The following PPP2R2B variants were observed in gnomAD, a reference collection of about 807,000 sequenced individuals.
PPP2R2B encodes the protein protein phosphatase 2 regulatory subunit Bbeta, also known as serine/threonine-protein phosphatase 2A 55 kDa regulatory subunit B beta isoform.
A neutral mutation model predicts 46.0 loss-of-function variants in PPP2R2B; 5 were observed. That is an observed-to-expected ratio of 0.11 (90% CI 0.06 to 0.23). PPP2R2B has a LOEUF of 0.23. PPP2R2B is among the 10% of genes least tolerant of loss of function. The probability of loss-of-function intolerance (pLI) is 1.00; values close to 1 mark genes in which losing one functional copy is unlikely to be tolerated. For synonymous variants in PPP2R2B, 215 were observed against 206.7 expected (o/e 1.04, Z -0.34); for missense variants, 367 against 575.0 (o/e 0.64, Z 3.70).
At chr5:146,766,739 G>A (rs144812057) in intron 2 of PPP2R2B, among the ~76,000 whole-genome samples, 55 of 152,172 alleles carry the variant, frequency 3.6e-4, no homozygotes, top group African/African-American at 1.3e-3. Flanking sequence ...CAACACCGTG[G>A]GCCCTACGGC....
chr5:146,947,865 C>T (rs904960365), intron 1 of PPP2R2B, among the ~76,000 whole-genome samples: 1 of 151,674 alleles, frequency 6.6e-6, no homozygotes, highest in African/African-American at 2.4e-5. Flanking sequence ...TAGGAATGCC[C>T]TTGCGTTCTC....
At chr5:146,651,533 G>A (rs570336121) in intron 5 of PPP2R2B, among the ~76,000 whole-genome samples, 21 of 152,138 alleles carry the variant, frequency 1.4e-4, no homozygotes, top group Non-Finnish European at 2.8e-4. Context: ...TCTGGCAAAT[G>A]TGAACAAAGA....
chr5:146,859,617 A>T (rs1221658289), intron 2 of PPP2R2B, among the ~76,000 whole-genome samples: 3 of 152,188 alleles, frequency 2.0e-5, no homozygotes, highest in Non-Finnish European at 4.4e-5. Flanking sequence ...TAAAAGTTTT[A>T]AAAAAAGAGG....
intron 2 of PPP2R2B, among the ~76,000 whole-genome samples, chr5:147,064,764 G>A (rs909278858): frequency 4.1e-4 from 63 of 152,094 alleles, no homozygotes; most frequent in African/African-American, 1.2e-3. Flanking sequence ...AGCTCTTTAG[G>A]CATCCACTGA....
chr5:146,924,871 A>C (rs747519467), intron 1 of PPP2R2B, among the ~76,000 whole-genome samples: 1 of 151,980 alleles, frequency 6.6e-6, no homozygotes, highest in Non-Finnish European at 1.5e-5. Flanking sequence ...ACATCAACTC[A>C]TCCTTTTTTA....
intron 1 of PPP2R2B, among the ~76,000 whole-genome samples, chr5:146,923,389 C>T (rs1763675228): frequency 6.6e-6 from 1 of 152,188 alleles, no homozygotes; most frequent in South Asian, 2.1e-4. Context: ...TTCCAGAGCG[C>T]TCTCAAGTGT....
chr5:146,877,749 G>A (rs573913247), intron 2 of PPP2R2B, among the ~76,000 whole-genome samples: 1 of 152,196 alleles, frequency 6.6e-6, no homozygotes, highest in African/African-American at 2.4e-5. Context: ...GCCCCACCCT[G>A]AAAAAGCCTA....
rs186161530 is a variant in PPP2R2B at position 146,776,878 on chromosome 5, C to A, written c.71-75736G>T. Among the ~76,000 whole-genome samples, 101 of 151,962 alleles carry A rather than the reference C, an allele frequency of 6.6e-4. No homozygotes were observed. The East Asian group carries it at 0.011, about 17-fold the overall frequency. ...TTCTTATAAAAGATATACAAATGGCCAATATGTACATGAAAAGATGCTCAA... is the reference window on the plus strand; with the variant it reads ...TTCTTATAAAAGATATACAAATGGCAAATATGTACATGAAAAGATGCTCAA... On this transcript the variant is annotated intron_variant, in intron 2 of 9. Transcript: ENST00000394411.
chr5:147,014,457 T>C, intron 1 of PPP2R2B, among the ~76,000 whole-genome samples: 1 of 152,030 alleles, frequency 6.6e-6, no homozygotes, highest in South Asian at 2.1e-4. Flanking sequence ...TGTGGCATTT[T>C]TCACAATAGC....
chr5:146,920,547 C>T lies in PPP2R2B; in HGVS notation c.79+135118G>A, dbSNP rs553058443. Among the ~76,000 whole-genome samples, 32 of 152,226 alleles carry T rather than the reference C, an allele frequency of 2.1e-4. No individual in the cohort carries two copies. In the East Asian group the frequency reaches 4.1e-3, roughly 19 times the overall value. Reference sequence around the variant, plus strand: ...GATTGCTTTGTTCAGAAGTGCTTTCCGACTGAGTTAACCTACTAAAGATGC... The same window carrying T: ...GATTGCTTTGTTCAGAAGTGCTTTCTGACTGAGTTAACCTACTAAAGATGC... On this transcript the variant is annotated intron_variant, in intron 1 of 8. Transcript: ENST00000336640.
rs1221095489 is a variant in PPP2R2B, at chr5:146,580,920, G to C, written c.*9027C>G. ...AGAGCTTCTTTGAGTCATGATCCAT[G>C]CCTGAAATGGTATTTCATTTTGTAC... On this transcript the variant is annotated 3_prime_UTR_variant, in exon 10 of 10. Transcript: ENST00000394411. 6.6e-6 allele frequency among the ~76,000 whole-genome samples: 1 copy of C among 152,046 alleles called. No homozygotes were observed. The highest frequency in any genetic ancestry group is 1.5e-5 in the Non-Finnish European group (1 of 68,004).
At chr5:146,964,126 T>A (rs1752302227) in intron 1 of PPP2R2B, among the ~76,000 whole-genome samples, 1 of 152,132 alleles carries the variant, frequency 6.6e-6, no homozygotes, top group South Asian at 2.1e-4. Flanking sequence ...CTAAGTATGC[T>A]CCCCAAAACA....
At chr5:146,748,425 TACAG>T (rs1360986132) in intron 2 of PPP2R2B, among the ~76,000 whole-genome samples, 1 of 152,190 alleles carries the variant, frequency 6.6e-6, no homozygotes, top group Non-Finnish European at 1.5e-5. Flanking sequence ...ACAGTGGAGA[TACAG>T]ACAATTTCCA....
Position 147,053,410 on chromosome 5 carries a change from T to A in PPP2R2B, c.79+2255A>T, listed in dbSNP as rs11743368. Among the ~76,000 whole-genome samples the A allele has an allele frequency of 6.5e-3, 990 of 152,004 alleles. 12 individuals carry two copies. The highest frequency in any genetic ancestry group is 0.023 in the African/African-American group (941 of 41,440). ...TCTTAAGGAGATTGTTTGGGCTATT[T>A]GTATTTATTTGACTTTCACAGAGAT... On this transcript the variant is annotated intron_variant, in intron 1 of 8. Coordinates refer to the PPP2R2B transcript ENST00000336640.
chr5:146,766,147 T>C (rs1754463898), intron 2 of PPP2R2B, among the ~76,000 whole-genome samples: 1 of 152,238 alleles, frequency 6.6e-6, no homozygotes, highest in Admixed American at 6.5e-5. Flanking sequence ...CTAGCTTAAA[T>C]GCAGAAAGAT....
chr5:146,716,947 G>A (rs1463387384), intron 2 of PPP2R2B, among the ~76,000 whole-genome samples: 5 of 152,108 alleles, frequency 3.3e-5, no homozygotes, highest in Admixed American at 3.3e-4. Flanking sequence ...TATTTCTTTA[G>A]TAGAAAGCAT....
chr5:146,939,164 C>T (rs1764247510), intron 1 of PPP2R2B, among the ~76,000 whole-genome samples: 2 of 152,054 alleles, frequency 1.3e-5, no homozygotes, highest in African/African-American at 4.8e-5. Context: ...CAGGTGGTTC[C>T]AACTGAGGCC....
At position 146,580,960 on chromosome 5, in the gene PPP2R2B, CT is replaced by C. The variant is rs1355805108; in HGVS notation, c.*8986del. On this transcript the variant is annotated 3_prime_UTR_variant, in exon 10 of 10. Coordinates refer to ENST00000394411, the MANE Select transcript of PPP2R2B (RefSeq NM_181675.4). Reference sequence around the variant, plus strand: ...TCATTTTGTACTTTGAAAAAATCAGCTTTTTGAGCTGAACTTTCTTGTTCCA... The same window carrying C: ...TCATTTTGTACTTTGAAAAAATCAGCTTTTGAGCTGAACTTTCTTGTTCCA... 3.9e-5 allele frequency among the ~76,000 whole-genome samples: 6 copies of C among 151,902 alleles called. No individual in the cohort carries two copies. The highest frequency in any genetic ancestry group is 5.9e-5 in the Non-Finnish European group (4 of 67,990).
intron 7 of PPP2R2B, among the ~76,000 whole-genome samples, chr5:146,634,313 C>T (rs914138848): frequency 2.0e-5 from 3 of 152,014 alleles, no homozygotes; most frequent in African/African-American, 7.2e-5. Context: ...CTGGTTTTTC[C>T]TGGGTCTTCA....
Sources: allele counts gnomAD v4.1 joint callset (sites outside exome capture counted in the v4.1 genomes callset), GRCh38; gene constraint gnomAD v4.1.1; transcripts MANE v1.5; gene names NCBI Gene and HGNC (gene_info 2026-07-23, HGNC 2026-07-21).